The following ADAMTS14 variants were observed in gnomAD, a reference collection of about 807,000 sequenced individuals.
ADAMTS14 encodes the protein ADAM metallopeptidase with thrombospondin type 1 motif 14.
ADAMTS14 carries 100 observed loss-of-function variants against 128.6 expected under a neutral mutation model. That is an observed-to-expected ratio of 0.78 (90% CI 0.66 to 0.92). The LOEUF (loss-of-function observed/expected upper bound fraction) is 0.92, where lower values mean the gene tolerates loss of function less well. ADAMTS14 is among the 40% of genes least tolerant of loss of function. The pLI, the probability that ADAMTS14 is intolerant of heterozygous loss-of-function variation, is 0.00. For synonymous variants in ADAMTS14, 665 were observed against 653.8 expected, an observed-to-expected ratio of 1.02 and a Z score of -0.26; for missense variants, 1,562 against 1,658.6, an observed-to-expected ratio of 0.94 and a Z score of 1.01.
At chr10:70,752,556 G>A (rs1171117719) in intron 18 of ADAMTS14, among the ~76,000 whole-genome samples, 1 of 152,194 alleles carries the variant, frequency 6.6e-6, no homozygotes, top group Non-Finnish European at 1.5e-5. Context: ...GAGAGACTTT[G>A]GGGAGAGGAG....
At chr10:70,709,644 G>A (rs1348451660) in intron 4 of ADAMTS14, among the ~76,000 whole-genome samples, 3 of 151,994 alleles carry the variant, frequency 2.0e-5, no homozygotes, top group Non-Finnish European at 2.9e-5. Flanking sequence ...GGGACTACAG[G>A]CACCTGCCAC....
intron 3 of ADAMTS14, among the ~76,000 whole-genome samples, chr10:70,707,335 A>G (rs1289161237): frequency 6.6e-6 from 1 of 152,100 alleles, no homozygotes; most frequent in Non-Finnish European, 1.5e-5. Context: ...CCAGCCTCCT[A>G]TCTGGGGAGT....
chr10:70,709,424 G>GTT (rs112292093), intron 4 of ADAMTS14, among the ~76,000 whole-genome samples: 5 of 147,142 alleles, frequency 3.4e-5, no homozygotes, highest in Non-Finnish European at 7.4e-5. Context: ...CAGAAATGTA[G>GTT]TTTTTTTTTA....
intron 4 of ADAMTS14, among the ~76,000 whole-genome samples, chr10:70,722,983 C>T (rs1841317007): frequency 6.6e-6 from 1 of 152,164 alleles, no homozygotes; most frequent in Admixed American, 6.5e-5. Flanking sequence ...AATCAGGGAG[C>T]AGAGGGTAAC....
chr10:70,681,372 T>C (rs1370679276), intron 2 of ADAMTS14, among the ~76,000 whole-genome samples: 4 of 152,152 alleles, frequency 2.6e-5, no homozygotes, highest in African/African-American at 4.8e-5. Flanking sequence ...GGAAATCCTG[T>C]GTCTCTGCAA....
intron 4 of ADAMTS14, among the ~76,000 whole-genome samples, chr10:70,722,533 G>A (rs965277332): frequency 6.6e-6 from 1 of 152,166 alleles, no homozygotes; most frequent in African/African-American, 2.4e-5. Flanking sequence ...AACAGGGATA[G>A]CATACCATCC....
intron 3 of ADAMTS14, among the ~76,000 whole-genome samples, chr10:70,707,032 C>T (rs1013612307): frequency 6.6e-6 from 1 of 152,242 alleles, no homozygotes; most frequent in African/African-American, 2.4e-5. Context: ...TTATCTCCTG[C>T]TCTCTGTTCA....
rs1320939921 is a variant in ADAMTS14, at chr10:70,751,658, C to T, written c.2596+12C>T. The T allele has an allele frequency of 3.1e-6, 5 of 1,596,870 alleles. No homozygotes were observed. The highest frequency in any genetic ancestry group is 3.4e-4 in the Middle Eastern group (2 of 5,936). On this transcript the variant is annotated intron_variant, in intron 17 of 21. Transcript: ENST00000373207. ...GGCCTGTGGAGGAGGTACCGGTTCCCTGACCCGCCAGTGCTTTGTTGGGGC... is the reference window on the plus strand; with the variant it reads ...GGCCTGTGGAGGAGGTACCGGTTCCTTGACCCGCCAGTGCTTTGTTGGGGC...
intron 4 of ADAMTS14, among the ~76,000 whole-genome samples, chr10:70,713,161 G>C (rs1460757494): frequency 1.3e-5 from 2 of 152,182 alleles, no homozygotes; most frequent in East Asian, 3.8e-4. Flanking sequence ...CTGTTGCTTG[G>C]CTTCTTAACT....
chr10:70,753,603 A>G (rs1842405695), intron 18 of ADAMTS14, among the ~76,000 whole-genome samples, 197 bp from the exon 19 acceptor site: 1 of 152,232 alleles, frequency 6.6e-6, no homozygotes, highest in Admixed American at 6.5e-5. Flanking sequence ...GAGACACAGC[A>G]GGAGAGAAGA....
chr10:70,732,457 C>T, intron 7 of ADAMTS14, 98 bp downstream of exon 7: 2 of 1,051,386 alleles, frequency 1.9e-6, no homozygotes, highest in Non-Finnish European at 1.4e-6. Flanking sequence ...TGGCCTGGTT[C>T]CAGTGTCCTG....
chr10:70,677,783 C>T (rs934393192), intron 2 of ADAMTS14, among the ~76,000 whole-genome samples: 2 of 152,158 alleles, frequency 1.3e-5, no homozygotes, highest in East Asian at 1.9e-4. Flanking sequence ...CTTGACTTTC[C>T]GCCCACTCCA....
At chr10:70,754,252 G>A (rs1413509388) in intron 19 of ADAMTS14, among the ~76,000 whole-genome samples, 1 of 152,210 alleles carries the variant, frequency 6.6e-6, no homozygotes, top group African/African-American at 2.4e-5. Flanking sequence ...ATGTCCCTGT[G>A]TTCCAGATGA....
intron 6 of ADAMTS14, among the ~76,000 whole-genome samples, 182 bp downstream of exon 6, chr10:70,730,431 G>T (rs541654981): frequency 9.2e-5 from 14 of 152,326 alleles, no homozygotes; most frequent in African/African-American, 3.1e-4. Flanking sequence ...GAAGTAGAGG[G>T]GTCCCTACTC....
At chr10:70,721,341 T>C (rs1841256288) in intron 4 of ADAMTS14, among the ~76,000 whole-genome samples, 2 of 151,280 alleles carry the variant, frequency 1.3e-5, no homozygotes, top group South Asian at 4.2e-4. Flanking sequence ...GCTTTTAACC[T>C]CAGTTAGACT....
chr10:70,749,149 G>C (rs775791280), intron 15 of ADAMTS14, among the ~76,000 whole-genome samples: 1 of 152,192 alleles, frequency 6.6e-6, no homozygotes, highest in Non-Finnish European at 1.5e-5. Flanking sequence ...TCACAGCAGT[G>C]CCAAAAGTCC....
Position 70,727,328 on chromosome 10 carries a change from C to G in ADAMTS14, c.871-1966C>G, listed in dbSNP as rs1176683453. Among the ~76,000 whole-genome samples, 6 of 152,360 alleles carry G rather than the reference C, an allele frequency of 3.9e-5. 1 individual carries two copies. In the South Asian group the frequency reaches 1.2e-3, roughly 32 times the overall value. On this transcript the variant is annotated intron_variant, in intron 4 of 21. Transcript: ENST00000373207. ...TGTGGTTGGAAGTGCTATTACTCTT[C>G]TCCGTGTGGTGGACAATGGTTGCTT...
chr10:70,705,943 T>A (rs1840651756), intron 3 of ADAMTS14, among the ~76,000 whole-genome samples: 1 of 152,242 alleles, frequency 6.6e-6, no homozygotes, highest in Non-Finnish European at 1.5e-5. Context: ...GAGTACATAC[T>A]TAGCAGTGGA....
At chr10:70,685,472 C>T (rs944552741) in intron 2 of ADAMTS14, among the ~76,000 whole-genome samples, 7 of 152,188 alleles carry the variant, frequency 4.6e-5, no homozygotes, top group Admixed American at 2.0e-4. Flanking sequence ...CCACCATTCG[C>T]CCTGACTTTG....
Sources: allele counts gnomAD v4.1 joint callset (sites outside exome capture counted in the v4.1 genomes callset), GRCh38; gene constraint gnomAD v4.1.1; transcripts MANE v1.5; gene names NCBI Gene and HGNC (gene_info 2026-07-23, HGNC 2026-07-21).